The following SFSWAP variants were observed in gnomAD, a reference collection of about 807,000 sequenced individuals.
SFSWAP encodes the protein splicing factor SWAP.
In SFSWAP, 17 loss-of-function variants were observed where a neutral mutation model predicts 100.7. That is an observed-to-expected ratio of 0.17 (90% CI 0.12 to 0.25). The LOEUF (loss-of-function observed/expected upper bound fraction) is 0.25. Ranked by LOEUF, SFSWAP falls within the 10% of genes least tolerant of loss-of-function variation. The pLI is 1.00. For synonymous variants in SFSWAP, 504 were observed against 510.1 expected (o/e 0.99, Z 0.16); for missense variants, 1,005 against 1,262.6 (o/e 0.80, Z 3.09).
chr12:131,742,305 G>A (rs1451762667), intron 7 of SFSWAP, among the ~76,000 whole-genome samples: 1 of 152,054 alleles, frequency 6.6e-6, no homozygotes, highest in Non-Finnish European at 1.5e-5. Flanking sequence ...CAACTCTCTG[G>A]AACCTATTTT....
intron 15 of SFSWAP, among the ~76,000 whole-genome samples, chr12:131,790,121 T>C (rs960940113): frequency 6.6e-6 from 1 of 152,228 alleles, no homozygotes; most frequent in African/African-American, 2.4e-5. Flanking sequence ...CCTGCCCCTT[T>C]GTTTAAATCT....
intron 14 of SFSWAP, among the ~76,000 whole-genome samples, chr12:131,779,316 T>TGAGCGTGTGTGAAGAGGGCG (rs1566051767): frequency 6.6e-5 from 10 of 151,162 alleles, no homozygotes; most frequent in East Asian, 4.0e-4. Context: ...GCGGCGCTGG[T>TGAGCGTGTGTGAAGAGGGCG]GCAGAATGTT....
chr12:131,726,851 A>G, intron 5 of SFSWAP, 89 bp from the exon 6 acceptor site: 4 of 818,284 alleles, frequency 4.9e-6, no homozygotes, highest in Non-Finnish European at 8.3e-6. Flanking sequence ...TAACCAAGAT[A>G]ACTTGGCTGC....
intron 17 of SFSWAP, 48 bp downstream of exon 17, chr12:131,799,157 C>A: frequency 7.0e-7 from 1 of 1,430,926 alleles, no homozygotes; most frequent in Non-Finnish European, 9.9e-7. Context: ...ATCAAGGGGC[C>A]TCGTGGTTTC....
At position 131,711,091 on chromosome 12, in the gene SFSWAP, T is replaced by C; in HGVS notation, c.-139T>C. On this transcript the variant is annotated 5_prime_UTR_variant, in exon 1 of 18. Transcript: ENST00000261674. The surrounding 1 kb of genome is among the most constrained non-coding windows in gnomAD (Gnocchi z 4.9). ...CCTGCCGGAAGCTGCCCCTCCACCA[T>C]TTTGTGGCCCGCTATGGCGGCGGTG... 1.5e-6 allele frequency: 1 copy of C among 675,342 alleles called. No individual in the cohort carries two copies. Among genetic ancestry groups the C allele is most frequent in the Non-Finnish European group, 2.4e-6 (1 of 410,870 alleles). 41.8% of individuals were successfully genotyped at this position (675,342 alleles called of 1,614,324 possible).
intron 14 of SFSWAP, among the ~76,000 whole-genome samples, chr12:131,782,329 A>G (rs773732692): frequency 2.0e-5 from 3 of 152,212 alleles, no homozygotes; most frequent in Admixed American, 2.0e-4. Flanking sequence ...CAGGGATCCA[A>G]GTGGCTTTAA....
At chr12:131,717,880 G>A (rs913340629) in intron 3 of SFSWAP, among the ~76,000 whole-genome samples, 3 of 152,120 alleles carry the variant, frequency 2.0e-5, no homozygotes, top group African/African-American at 7.2e-5. Flanking sequence ...ACAGGCGCCC[G>A]CCACCACAAC....
intron 14 of SFSWAP, chr12:131,785,086 C>G: frequency 6.5e-7 from 1 of 1,535,454 alleles, no homozygotes; most frequent in Non-Finnish European, 8.7e-7. Flanking sequence ...CACAGCCTCC[C>G]CAGGGACGCT....
intron 1 of SFSWAP, chr12:131,712,376 C>T (rs1877457081): frequency 6.6e-6 from 1 of 152,106 alleles, no homozygotes. Flanking sequence ...CCCTTCCCCT[C>T]GTCTCTGGGT....
intron 7 of SFSWAP, among the ~76,000 whole-genome samples, chr12:131,738,161 C>T (rs1880219022): frequency 1.3e-5 from 2 of 152,040 alleles, no homozygotes; most frequent in Admixed American, 1.3e-4. Flanking sequence ...TTGCTTCTAT[C>T]CCTGTTTTTT....
At chr12:131,723,398 C>G (rs1878667770) in intron 4 of SFSWAP, 1 of 152,210 alleles carries the variant, frequency 6.6e-6, no homozygotes, top group South Asian at 2.1e-4. Flanking sequence ...CCCTCTATTC[C>G]TTATGGCTTC....
rs933359094 is a variant in SFSWAP, at chr12:131,761,107, C to T, written c.1721-3349C>T. On this transcript the variant is annotated intron_variant, in intron 11 of 17. Transcript: ENST00000261674. ...TAGCAGGTTATGAAACGAGCTGTGC[C>T]CCCATTTTACACACGTGTGCCATTG... 2.0e-5 allele frequency among the ~76,000 whole-genome samples: 3 copies of T among 152,108 alleles called. No homozygotes were observed. The South Asian group carries it at 6.2e-4, about 31-fold the overall frequency.
intron 7 of SFSWAP, among the ~76,000 whole-genome samples, chr12:131,742,214 C>T (rs941936014): frequency 5.9e-5 from 9 of 152,198 alleles, no homozygotes; most frequent in African/African-American, 2.2e-4. Flanking sequence ...AGGATCCCCA[C>T]GGCAGGTCAT....
intron 1 of SFSWAP, chr12:131,712,240 G>T (rs1443769593): frequency 6.6e-6 from 1 of 152,160 alleles, no homozygotes; most frequent in Non-Finnish European, 1.5e-5. Context: ...GTCACTCGAG[G>T]GTGTCTAGCG....
Position 131,796,963 on chromosome 12 carries a change from T to C in SFSWAP, c.2535-215T>C, listed in dbSNP as rs1315178186. On this transcript the variant is annotated intron_variant, in intron 15 of 17. Transcript: ENST00000261674. ...CTGGTTGCATCTTAAATACCACAAA[T>C]ATTTTACTTGAGGTCCTAAATGGGG... 93 of 494,170 alleles carry C rather than the reference T, an allele frequency of 1.9e-4. No individual in the cohort carries two copies. The East Asian group carries it at 2.9e-3, about 16-fold the overall frequency. The allele number at this position is 494,170 out of a possible 1,614,324, so 30.6% of individuals were successfully genotyped here. A position where few individuals can be genotyped will look rare whatever the true frequency, so the allele number is the denominator to read the frequency against.
intron 7 of SFSWAP, among the ~76,000 whole-genome samples, chr12:131,735,552 A>C (rs940450445): frequency 2.6e-5 from 4 of 152,242 alleles, no homozygotes; most frequent in Non-Finnish European, 5.9e-5. Context: ...CTCGAGCCTC[A>C]TAGTTGGCGC....
At chr12:131,768,746 C>T (rs1439801736) in intron 13 of SFSWAP, among the ~76,000 whole-genome samples, 4 of 152,220 alleles carry the variant, frequency 2.6e-5, no homozygotes, top group Non-Finnish European at 5.9e-5. Context: ...AGCCTTTCCA[C>T]AGCTCTTCAG....
Position 131,714,951 on chromosome 12 carries a change from G to A in SFSWAP, c.518G>A (p.Arg173Lys), listed in dbSNP as rs1012401575. 4 of 1,613,894 alleles carry A rather than the reference G, an allele frequency of 2.5e-6. No homozygotes were observed. In the Admixed American group the frequency reaches 6.7e-5, roughly 27 times the overall value. ...GAGGAGGAGGAGCCTTCCAAACAGA[G>A]AGGTGAGTGGGGAGCTGCCTGGACT... ...PTEEEEPSKQ[R>K]EKNEAENLEE... Residue 173 changes from arginine (R) to lysine (K), a missense_variant and splice_region_variant, in exon 3 of 18, where the codon AGA becomes AAA. By Grantham distance (26) the Arg-to-Lys change is conservative (BLOSUM62 2). Transcript: ENST00000261674. This position sits in a 1 kb window ranked among gnomAD's most constrained non-coding sequence, Gnocchi z 6.0.
At chr12:131,722,198 G>A (rs1467036421) in intron 4 of SFSWAP, among the ~76,000 whole-genome samples, 4 of 152,228 alleles carry the variant, frequency 2.6e-5, no homozygotes, top group African/African-American at 9.6e-5. Context: ...TAAACTAACT[G>A]TTGGTTTAGA....
Sources: allele counts gnomAD v4.1 joint callset (sites outside exome capture counted in the v4.1 genomes callset), GRCh38; gene constraint gnomAD v4.1.1; non-coding constraint Gnocchi (gnomAD v3.1); transcripts MANE v1.5; gene names NCBI Gene and HGNC (gene_info 2026-07-23, HGNC 2026-07-21).